Variants in PTPN14 observed in about 807,000 individuals in gnomAD.
PTPN14 encodes tyrosine-protein phosphatase non-receptor type 14.
In PTPN14, 53 loss-of-function variants were observed where a neutral mutation model predicts 126.8. The ratio of observed to expected loss-of-function variants is 0.42; its 90% confidence interval spans 0.34 to 0.53. PTPN14 has a LOEUF of 0.53. PTPN14 is among the 20% of genes least tolerant of loss of function. The probability of loss-of-function intolerance (pLI) is 0.08; values close to 1 mark genes in which losing one functional copy is unlikely to be tolerated. For missense variants in PTPN14, 1,257 were observed against 1,552.9 expected (o/e 0.81, Z 3.20); for synonymous variants, 630 against 599.3 (o/e 1.05, Z -0.75).
intron 1 of PTPN14, among the ~76,000 whole-genome samples, chr1:214,471,002 G>A (rs1660744536): frequency 1.4e-5 from 2 of 145,692 alleles, no homozygotes; most frequent in Admixed American, 6.9e-5. Context: ...TCCAGCCTGG[G>A]TGACAAGAGC....
At chr1:214,534,377 C>G (rs994560507) in intron 1 of PTPN14, among the ~76,000 whole-genome samples, 1 of 152,134 alleles carries the variant, frequency 6.6e-6, no homozygotes, top group African/African-American at 2.4e-5. Context: ...ATCTGAGTAT[C>G]AAGCCACAAG....
Position 214,367,303 on chromosome 1 carries a change from G to A in PTPN14, c.3271+2154C>T, listed in dbSNP as rs1658104406. 2.0e-5 allele frequency among the ~76,000 whole-genome samples: 3 copies of A among 152,124 alleles called. No homozygotes were observed. In the South Asian group the frequency reaches 6.2e-4, roughly 32 times the overall value. ...CCATTTGACTTCAGGCAAATCACGA[G>A]TCCTCTCTGGATCTTACTCTAGATT... is the stretch of plus-strand genomic sequence containing the variant. On this transcript the variant is annotated intron_variant, in intron 17 of 18. Transcript: ENST00000366956.
intron 3 of PTPN14, among the ~76,000 whole-genome samples, chr1:214,451,584 C>G (rs1335616759): frequency 2.0e-5 from 3 of 152,138 alleles, no homozygotes; most frequent in African/African-American, 7.2e-5. Flanking sequence ...ACTACCTTAC[C>G]AGCATTACAG....
intron 3 of PTPN14, among the ~76,000 whole-genome samples, chr1:214,430,463 GAT>G (rs1447444873): frequency 6.6e-5 from 10 of 152,236 alleles, no homozygotes; most frequent in South Asian, 2.1e-4. Context: ...GGTATTTTTT[GAT>G]GAGATTAACA....
chr1:214,424,971 T>A (rs1659628901), intron 3 of PTPN14, among the ~76,000 whole-genome samples: 1 of 152,026 alleles, frequency 6.6e-6, no homozygotes, highest in Admixed American at 6.5e-5. Flanking sequence ...CTCTGTTTTT[T>A]TTTTAGTAGA....
chr1:214,464,250 G>A (rs765935266), intron 2 of PTPN14, among the ~76,000 whole-genome samples: 2 of 145,100 alleles, frequency 1.4e-5, no homozygotes, highest in South Asian at 2.2e-4. Flanking sequence ...GCATGCATCC[G>A]TATGTGGGCG....
At chr1:214,459,325 G>A (rs904121444) in intron 2 of PTPN14, among the ~76,000 whole-genome samples, 20 of 151,552 alleles carry the variant, frequency 1.3e-4, no homozygotes, top group African/African-American at 4.8e-4. Flanking sequence ...GGTAATTTCT[G>A]TATTTTTAGT....
intron 1 of PTPN14, among the ~76,000 whole-genome samples, chr1:214,495,663 TTTTATTTATTTA>T (rs869249183): frequency 1.1e-3 from 4 of 3,636 alleles, no homozygotes; most frequent in South Asian, 0.01. Context: ...ATTTTATTTT[TTTTATTTATTTA>T]TTTATTTATT....
At chr1:214,532,762 A>C in intron 1 of PTPN14, 1 of 809,652 alleles carries the variant, frequency 1.2e-6, no homozygotes, top group Non-Finnish European at 2.2e-6. Context: ...CACCAATGTC[A>C]CTTGGCCACA....
chr1:214,451,892 A>C lies in PTPN14; in HGVS notation c.257T>G (p.Leu86Arg). 6.2e-7 allele frequency: 1 copy of C among 1,614,238 alleles called. No homozygotes were observed. Among genetic ancestry groups the C allele is most frequent in the South Asian group, 1.1e-5 (1 of 91,084 alleles). The change falls in exon 3 of 19, where the codon CTG (leucine) becomes CGG (arginine). Residue 86 changes from leucine (L) to arginine (R), a missense_variant. Physicochemically the swap from Leu to Arg is moderately radical, Grantham distance 102. This residue lies in a region of PTPN14 where 1,021 missense variants were observed against 1,183.3 expected (regional missense o/e 0.86). Transcript: ENST00000366956. ...CAAAGGCTCATTAGCGAATTTGTCC[A>C]GATGTTTCTTCAGAGGTTTCTCCAG... is the stretch of plus-strand genomic sequence containing the variant. ...VELEKPLKKH[L>R]DKFANEPLLF...
At chr1:214,388,924 A>T (rs527409501) in intron 11 of PTPN14, among the ~76,000 whole-genome samples, 2 of 151,132 alleles carry the variant, frequency 1.3e-5, no homozygotes, top group African/African-American at 2.4e-5. Context: ...AAGGGGTAAT[A>T]AAAAAAAAGG....
At chr1:214,481,326 G>A (rs1298641427) in intron 1 of PTPN14, among the ~76,000 whole-genome samples, 1 of 151,838 alleles carries the variant, frequency 6.6e-6, no homozygotes, top group Non-Finnish European at 1.5e-5. Flanking sequence ...GGCCAACATG[G>A]TGAAACCCCA....
At chr1:214,481,372 G>C (rs562059229) in intron 1 of PTPN14, among the ~76,000 whole-genome samples, 2 of 151,664 alleles carry the variant, frequency 1.3e-5, no homozygotes, top group Non-Finnish European at 2.9e-5. Flanking sequence ...TTAGCTGGGC[G>C]TGGTGGCATG....
At chr1:214,358,375 TCCTA>T (rs1005374829) in intron 18 of PTPN14, among the ~76,000 whole-genome samples, 14 of 152,188 alleles carry the variant, frequency 9.2e-5, no homozygotes, top group Non-Finnish European at 1.5e-5. Context: ...CAAGCAGTCC[TCCTA>T]CCTGAGTCTC....
intron 3 of PTPN14, among the ~76,000 whole-genome samples, chr1:214,437,629 A>G (rs1224838991): frequency 6.6e-6 from 1 of 152,228 alleles, no homozygotes; most frequent in African/African-American, 2.4e-5. Flanking sequence ...AAATTGCTAC[A>G]GAAGAACCTT....
chr1:214,404,404 T>C (rs1659113533), intron 5 of PTPN14, among the ~76,000 whole-genome samples: 1 of 152,204 alleles, frequency 6.6e-6, no homozygotes, highest in Non-Finnish European at 1.5e-5. Flanking sequence ...CTCAACATTT[T>C]TAGTTTCATG....
In PTPN14 at chr1:214,532,485, G is replaced by A. The variant is rs983877666; in HGVS notation, c.-155+18698C>T. 34 of 870,316 alleles carry A rather than the reference G, an allele frequency of 3.9e-5. No individual in the cohort carries two copies. In the Middle Eastern group the frequency reaches 1.2e-3, roughly 30 times the overall value. The allele number at this position is 870,316 out of a possible 1,614,324, so 53.9% of individuals were successfully genotyped here. On this transcript the variant is annotated intron_variant, in intron 1 of 18. Transcript: ENST00000366956. The stretch of plus-strand genomic sequence containing the variant: ...CTACCTGGACAGACTGAGGAGCCTG[G>A]AGATCGAGAACTGGAGGCTGGAGAG...
At chr1:214,477,424 A>T (rs1219394941) in intron 1 of PTPN14, among the ~76,000 whole-genome samples, 1 of 152,160 alleles carries the variant, frequency 6.6e-6, no homozygotes, top group Non-Finnish European at 1.5e-5. Flanking sequence ...CTGCCTTGTA[A>T]AGACACACAA....
chr1:214,480,538 T>G lies in PTPN14; in HGVS notation c.-154-15581A>C, dbSNP rs1006004476. On this transcript the variant is annotated intron_variant, in intron 1 of 18. Transcript: ENST00000366956. ...CTAAGAAGCAGAAAGCCTCCCAAAA[T>G]CCAGTCTGTAACAAATAGGTGAACT... Among the ~76,000 whole-genome samples the G allele has an allele frequency of 3.3e-5, 5 of 152,134 alleles. No homozygotes were observed. In the South Asian group the frequency reaches 6.2e-4, roughly 19 times the overall value.
Sources: allele counts gnomAD v4.1 joint callset (sites outside exome capture counted in the v4.1 genomes callset), GRCh38; gene constraint gnomAD v4.1.1; regional missense constraint gnomAD v4.1.1; transcripts MANE v1.5; gene names NCBI Gene and HGNC (gene_info 2026-07-23, HGNC 2026-07-21).